The following CERS6 variants were observed in gnomAD, a reference collection of about 807,000 sequenced individuals.
CERS6 encodes the protein LAG1 homolog, ceramide synthase 6.
CERS6 carries 26 observed loss-of-function variants against 56.8 expected under a neutral mutation model. That is an observed-to-expected ratio of 0.46 (90% CI 0.34 to 0.63). CERS6 has a LOEUF of 0.63. Ranked by LOEUF, CERS6 falls within the 30% of genes least tolerant of loss-of-function variation. The pLI, the probability that CERS6 is intolerant of heterozygous loss-of-function variation, is 0.01. For missense variants in CERS6, 415 were observed against 467.5 expected (o/e 0.89, Z 1.04); for synonymous variants, 164 against 173.3 (o/e 0.95, Z 0.42).
rs1316283759 is a variant in CERS6, at chr2:168,743,804, T to G, written c.846-21788T>G. ...GAATCACAAACATTCACTCACTAGG[T>G]ATCCAGCACAGGATCCAACTAAGTG... is the stretch of plus-strand genomic sequence containing the variant. On this transcript the variant is annotated intron_variant, in intron 8 of 9. Transcript: ENST00000305747. Among the ~76,000 whole-genome samples the G allele has an allele frequency of 2.0e-5, 3 of 152,094 alleles. No individual in the cohort carries two copies. The East Asian group carries it at 5.8e-4, about 29-fold the overall frequency.
rs1684700211 is a variant in CERS6, at chr2:168,630,928, G to T, written c.408-57G>T. The T allele has an allele frequency of 6.5e-6, 5 of 773,630 alleles. No individual in the cohort carries two copies. The South Asian group carries it at 9.1e-5, about 14-fold the overall frequency. 47.9% of individuals were successfully genotyped at this position (773,630 alleles called of 1,614,324 possible). On this transcript the variant is annotated intron_variant, in intron 3 of 9. Transcript: ENST00000305747. The stretch of plus-strand genomic sequence containing the variant: ...TCTTTTCCCTCCCTTACATATTTCA[G>T]TATATGCTGTGAATATATAAACTGA...
chr2:168,599,884 T>C (rs1683891054), intron 3 of CERS6, among the ~76,000 whole-genome samples: 1 of 152,196 alleles, frequency 6.6e-6, no homozygotes, highest in African/African-American at 2.4e-5. Context: ...AGGAGGTTGA[T>C]ACACTAGTAG....
intron 4 of CERS6, among the ~76,000 whole-genome samples, chr2:168,633,553 T>C (rs922246851): frequency 1.3e-5 from 2 of 152,202 alleles, no homozygotes; most frequent in African/African-American, 2.4e-5. Flanking sequence ...TGCCCTAACC[T>C]CAGCATGATT....
intron 3 of CERS6, among the ~76,000 whole-genome samples, chr2:168,575,583 C>T (rs909457574): frequency 6.6e-6 from 1 of 152,054 alleles, no homozygotes; most frequent in Non-Finnish European, 1.5e-5. Flanking sequence ...GGACACAGAG[C>T]CAAACCATAT....
chr2:168,498,057 A>G (rs1694505756), intron 1 of CERS6, among the ~76,000 whole-genome samples: 1 of 152,094 alleles, frequency 6.6e-6, no homozygotes, highest in Non-Finnish European at 1.5e-5. Flanking sequence ...TCACGGCCCT[A>G]TTTCTTACCT....
chr2:168,705,811 GTATT>G (rs1276989031), intron 6 of CERS6, among the ~76,000 whole-genome samples: 2 of 151,988 alleles, frequency 1.3e-5, no homozygotes, highest in South Asian at 4.2e-4. Flanking sequence ...ATCATAAAGG[GTATT>G]TATGTCTCTG....
At chr2:168,477,853 GAAGTT>G in intron 1 of CERS6, among the ~76,000 whole-genome samples, 1 of 152,270 alleles carries the variant, frequency 6.6e-6, no homozygotes, top group South Asian at 2.1e-4. Context: ...TTTTAAAAGT[GAAGTT>G]AAGCACATTT....
rs539890014 is a variant in CERS6, at chr2:168,570,487, G to T, written c.407+9165G>T. ...ATTCTGAAGAGGACACGGCTTGCCT[G>T]CACCAGGAGGGACAGAGGAACAAAG... On this transcript the variant is annotated intron_variant, in intron 3 of 9. Coordinates refer to ENST00000305747, the MANE Select transcript of CERS6 (RefSeq NM_203463.3). Among the ~76,000 whole-genome samples the T allele has an allele frequency of 1.2e-4, 18 of 152,300 alleles. No individual in the cohort carries two copies. In the South Asian group the frequency reaches 1.9e-3, roughly 16 times the overall value.
intron 8 of CERS6, among the ~76,000 whole-genome samples, chr2:168,731,115 A>G (rs1683519985): frequency 6.6e-6 from 1 of 152,176 alleles, no homozygotes; most frequent in African/African-American, 2.4e-5. Flanking sequence ...AAATATAGCA[A>G]AATGCATCTA....
chr2:168,508,795 G>A (rs1383998490), intron 1 of CERS6, among the ~76,000 whole-genome samples: 1 of 152,058 alleles, frequency 6.6e-6, no homozygotes, highest in Non-Finnish European at 1.5e-5. Flanking sequence ...AACCACCATG[G>A]CACATGTATA....
chr2:168,663,235 G>A (rs929128551), intron 4 of CERS6, among the ~76,000 whole-genome samples: 1 of 152,014 alleles, frequency 6.6e-6, no homozygotes, highest in Admixed American at 6.5e-5. Flanking sequence ...AAAAATGATA[G>A]TACTTTTAAA....
In CERS6 at chr2:168,664,845, G is replaced by A. The variant is rs186061033; in HGVS notation, c.466-26189G>A. Among the ~76,000 whole-genome samples, 33 of 152,192 alleles carry A rather than the reference G, an allele frequency of 2.2e-4. No homozygotes were observed. In the East Asian group the frequency reaches 6.0e-3, roughly 28 times the overall value. On this transcript the variant is annotated intron_variant, in intron 4 of 9. Transcript: ENST00000305747. ...TCCTGTGACTTAGAATGCCTTAACC[G>A]TCTGAGAGTGCAGCCCAGTAGGTTT... is the stretch of plus-strand genomic sequence containing the variant.
chr2:168,611,934 T>C (rs1281143399), intron 3 of CERS6, among the ~76,000 whole-genome samples: 1 of 152,190 alleles, frequency 6.6e-6, no homozygotes, highest in Non-Finnish European at 1.5e-5. Flanking sequence ...CCTAGAGTCA[T>C]ATTGTAGTTG....
intron 3 of CERS6, among the ~76,000 whole-genome samples, chr2:168,562,517 A>T (rs1024664103): frequency 3.3e-5 from 5 of 152,200 alleles, no homozygotes; most frequent in South Asian, 2.1e-4. Context: ...ATGTGAGCAA[A>T]AGAATCTATG....
At chr2:168,539,397 A>G (rs1695326037) in intron 1 of CERS6, among the ~76,000 whole-genome samples, 1 of 152,236 alleles carries the variant, frequency 6.6e-6, no homozygotes, top group South Asian at 2.1e-4. Context: ...TTTCTGTTAA[A>G]TGAAATAAAT....
chr2:168,660,006 G>C (rs765788711), intron 4 of CERS6, among the ~76,000 whole-genome samples: 1 of 152,208 alleles, frequency 6.6e-6, no homozygotes, highest in Non-Finnish European at 1.5e-5. Context: ...ACGTGGAAAT[G>C]TGCCTGGAGT....
intron 9 of CERS6, among the ~76,000 whole-genome samples, chr2:168,768,266 A>C: frequency 6.7e-6 from 1 of 150,368 alleles, no homozygotes; most frequent in African/African-American, 2.4e-5. Flanking sequence ...AGTTTCACTC[A>C]TTGCTCTGGC....
In CERS6 at chr2:168,534,198, G is replaced by A. The variant is rs138755487; in HGVS notation, c.171-13398G>A. On this transcript the variant is annotated intron_variant, in intron 1 of 9. Coordinates refer to ENST00000305747, the MANE Select transcript of CERS6 (RefSeq NM_203463.3). Reference sequence around the variant, plus strand: ...AGCTCAGTGTAGTTTTTTATTACCCGTCTTCTGAAGCCTACTTCTGTCAGT... The same window carrying A: ...AGCTCAGTGTAGTTTTTTATTACCCATCTTCTGAAGCCTACTTCTGTCAGT... Among the ~76,000 whole-genome samples, 207 of 152,026 alleles carry A rather than the reference G, an allele frequency of 1.4e-3. 1 individual carries two copies. Among genetic ancestry groups the A allele is most frequent in the African/African-American group, 4.2e-3 (176 of 41,448 alleles).
intron 1 of CERS6, among the ~76,000 whole-genome samples, chr2:168,509,317 A>G (rs1430827371): frequency 1.3e-5 from 2 of 152,236 alleles, no homozygotes. Flanking sequence ...TTATTGTAAA[A>G]TTACCTAAGC....
Sources: gnomAD v4.1 joint callset for allele counts (sites outside exome capture counted in the v4.1 genomes callset) on GRCh38, gnomAD v4.1.1 for gene constraint, MANE v1.5 for transcripts, NCBI Gene and HGNC (gene_info 2026-07-23, HGNC 2026-07-21) for gene names.